ZBBX: variants seen among roughly 807,000 people sequenced by gnomAD.
The protein encoded by ZBBX is zinc finger B-box domain-containing protein 1.
ZBBX carries 101 observed loss-of-function variants against 108.5 expected under a neutral mutation model. That is an observed-to-expected ratio of 0.93 (90% CI 0.79 to 1.10). The LOEUF (loss-of-function observed/expected upper bound fraction) is 1.10, where lower values mean the gene tolerates loss of function less well. Ranked by LOEUF, ZBBX falls within the 50% of genes least tolerant of loss-of-function variation. ZBBX has a pLI of 0.00. For synonymous variants in ZBBX, 356 were observed against 323.4 expected (o/e 1.10, Z -1.08); for missense variants, 1,009 against 941.4 (o/e 1.07, Z -0.94).
intron 20 of ZBBX, among the ~76,000 whole-genome samples, chr3:167,260,834 C>T (rs1724381640): frequency 6.6e-6 from 1 of 152,136 alleles, no homozygotes; most frequent in South Asian, 2.1e-4. Flanking sequence ...TCAGGTAAAT[C>T]AGGGATTTCT....
intron 1 of ZBBX, among the ~76,000 whole-genome samples, chr3:167,400,613 A>T (rs909369928): frequency 3.3e-5 from 5 of 152,028 alleles, no homozygotes; most frequent in Non-Finnish European, 7.4e-5. Context: ...CAAATATATA[A>T]GACAGGTATC....
At chr3:167,293,495 C>T (rs1011193091) in intron 18 of ZBBX, among the ~76,000 whole-genome samples, 2 of 152,134 alleles carry the variant, frequency 1.3e-5, no homozygotes, top group Non-Finnish European at 2.9e-5. Context: ...AATTCAACAG[C>T]ACTTCATGCT....
chr3:167,315,686 T>C (rs1735319530), intron 15 of ZBBX, 64 bp downstream of exon 15: 4 of 1,135,348 alleles, frequency 3.5e-6, no homozygotes, highest in Non-Finnish European at 5.2e-6. Flanking sequence ...AAAAGACAGA[T>C]GATTTTGTGT....
chr3:167,281,038 G>A (rs1430148612), intron 20 of ZBBX, among the ~76,000 whole-genome samples: 2 of 152,118 alleles, frequency 1.3e-5, no homozygotes, highest in East Asian at 3.9e-4. Context: ...CTCACTCATA[G>A]GTGGGAACTG....
chr3:167,328,552 T>C lies in ZBBX; in HGVS notation c.688-436A>G, dbSNP rs1262295260. Reference sequence around the variant, plus strand: ...CTCAAAACTCTCTGTTGACTGTCTATGAAACCCCAAGTTCCTACCAGGACC... The same window carrying C: ...CTCAAAACTCTCTGTTGACTGTCTACGAAACCCCAAGTTCCTACCAGGACC... On this transcript the variant is annotated intron_variant, in intron 10 of 21. Coordinates refer to ENST00000675490, the MANE Select transcript of ZBBX (RefSeq NM_001199201.2). Among the ~76,000 whole-genome samples, 3 of 152,230 alleles carry C rather than the reference T, an allele frequency of 2.0e-5. 1 individual carries two copies. Among genetic ancestry groups the C allele is most frequent in the African/African-American group, 7.2e-5 (3 of 41,550 alleles).
Position 167,315,740 on chromosome 3 carries a change from A to T in ZBBX, c.1274+10T>A. On this transcript the variant is annotated intron_variant, in intron 15 of 21. Transcript: ENST00000675490. The stretch of plus-strand genomic sequence containing the variant: ...CAATATGCACACAAAGTTAATTAGA[A>T]AGGTTTTACCTTCGTTGACTGTCTG... 1.3e-6 allele frequency: 2 copies of T among 1,596,896 alleles called. No homozygotes were observed. Among genetic ancestry groups the T allele is most frequent in the Non-Finnish European group, 1.7e-6 (2 of 1,169,336 alleles).
chr3:167,381,004 T>C (rs1747677091), upstream of ZBBX, among the ~76,000 whole-genome samples: 1 of 152,038 alleles, frequency 6.6e-6, no homozygotes. Context: ...TATCTCCCTT[T>C]TTAAATACTG....
the ZBBX span, among the ~76,000 whole-genome samples, chr3:167,180,873 T>C: frequency 2.0e-4 from 31 of 152,192 alleles, no homozygotes; most frequent in Non-Finnish European, 7.3e-5. Flanking sequence ...CCCCCATGGG[T>C]TGTATAACTG....
intron 8 of ZBBX, among the ~76,000 whole-genome samples, chr3:167,357,881 A>G (rs979700002): frequency 6.6e-6 from 1 of 152,100 alleles, no homozygotes; most frequent in African/African-American, 2.4e-5. Flanking sequence ...TTGTAGGGAC[A>G]TGGATGAAAC....
intron 20 of ZBBX, among the ~76,000 whole-genome samples, chr3:167,280,817 C>T (rs1266970410): frequency 6.6e-6 from 1 of 151,800 alleles, no homozygotes; most frequent in Non-Finnish European, 1.5e-5. Flanking sequence ...ATGTTTATTG[C>T]AGCATTATTC....
chr3:167,228,051 C>T, the ZBBX span, among the ~76,000 whole-genome samples: 1 of 151,698 alleles, frequency 6.6e-6, no homozygotes, highest in African/African-American at 2.4e-5. Context: ...TCTACAGTTT[C>T]ACCCCAAAAA....
the ZBBX span, among the ~76,000 whole-genome samples, chr3:167,232,209 A>G: frequency 6.6e-6 from 1 of 151,830 alleles, no homozygotes; most frequent in Admixed American, 6.6e-5. Context: ...AGTGCAATGA[A>G]CTGTGTTTCA....
chr3:167,406,494 G>A (rs1271561402), intron 1 of ZBBX, among the ~76,000 whole-genome samples: 1 of 152,158 alleles, frequency 6.6e-6, no homozygotes, highest in Non-Finnish European at 1.5e-5. Flanking sequence ...GCCAAGGCAG[G>A]TGGATCACCT....
At chr3:167,203,391 G>C in the ZBBX span, among the ~76,000 whole-genome samples, 1 of 152,104 alleles carries the variant, frequency 6.6e-6, no homozygotes, top group African/African-American at 2.4e-5. Context: ...AGGTACTAGA[G>C]GTTGGGATTT....
the ZBBX span, among the ~76,000 whole-genome samples, chr3:167,213,941 C>T: frequency 6.6e-6 from 1 of 152,048 alleles, no homozygotes; most frequent in African/African-American, 2.4e-5. Context: ...AACTAAGTTT[C>T]CTAAGTGAAG....
intron 20 of ZBBX, among the ~76,000 whole-genome samples, chr3:167,247,197 G>A (rs1482124163): frequency 6.6e-6 from 1 of 152,178 alleles, no homozygotes; most frequent in African/African-American, 2.4e-5. Flanking sequence ...GCCAGATGTT[G>A]AGAGCAGCAC....
rs1221639104 is a variant in ZBBX, at chr3:167,404,029, G to C, written c.-446+3697C>G. Among the ~76,000 whole-genome samples the C allele has an allele frequency of 2.6e-5, 4 of 151,998 alleles. No individual in the cohort carries two copies. In the South Asian group the frequency reaches 8.3e-4, roughly 31 times the overall value. ...AGCAATATTGTCAGAGGCGAAAAAAGTCAGCATACTAACAGTATACTGTAC... is the reference window on the plus strand; with the variant it reads ...AGCAATATTGTCAGAGGCGAAAAAACTCAGCATACTAACAGTATACTGTAC... On this transcript the variant is annotated intron_variant, in intron 1 of 21. Transcript: ENST00000455345.
At chr3:167,318,988 T>G (rs1043618936) in intron 12 of ZBBX, among the ~76,000 whole-genome samples, 1 of 151,952 alleles carries the variant, frequency 6.6e-6, no homozygotes, top group South Asian at 2.1e-4. Flanking sequence ...ACCAGAACTC[T>G]CGTACCTTGC....
chr3:167,340,711 G>C (rs917311353), intron 9 of ZBBX, among the ~76,000 whole-genome samples: 3 of 151,838 alleles, frequency 2.0e-5, no homozygotes, highest in Admixed American at 1.3e-4. Flanking sequence ...GAAAGGGTTG[G>C]GGGGTGCAGG....
Sources: gnomAD v4.1 joint callset for allele counts (sites outside exome capture counted in the v4.1 genomes callset) on GRCh38, gnomAD v4.1.1 for gene constraint, MANE v1.5 for transcripts, NCBI Gene and HGNC (gene_info 2026-07-23, HGNC 2026-07-21) for gene names.